The following WDR41 variants were observed in gnomAD, a reference collection of about 807,000 sequenced individuals.
The protein encoded by WDR41 is WD repeat-containing protein 41.
Under a neutral mutation model 69.3 loss-of-function variants are expected in WDR41, and 63 were observed. The ratio of observed to expected loss-of-function variants is 0.91; its 90% CI spans 0.74 to 1.12. The LOEUF (loss-of-function observed/expected upper bound fraction) is 1.12, where lower values mean the gene tolerates loss of function less well. Ranked by LOEUF, WDR41 falls within the 50% of genes most tolerant of loss-of-function variation. The pLI, the probability that WDR41 is intolerant of heterozygous loss-of-function variation, is 0.00. For missense variants in WDR41, 543 were observed against 534.5 expected, an observed-to-expected ratio of 1.02 and a Z score of -0.16; for synonymous variants, 185 against 192.1, an observed-to-expected ratio of 0.96 and a Z score of 0.31.
At chr5:77,481,495 GC>G (rs1394386185) in intron 2 of WDR41, among the ~76,000 whole-genome samples, 1 of 152,048 alleles carries the variant, frequency 6.6e-6, no homozygotes, top group Non-Finnish European at 1.5e-5. Flanking sequence ...ACATATTAAA[GC>G]CACATCCTGG....
At chr5:77,518,615 A>T (rs1168636935) in intron 1 of WDR41, among the ~76,000 whole-genome samples, 1 of 152,116 alleles carries the variant, frequency 6.6e-6, no homozygotes, top group South Asian at 2.1e-4. Flanking sequence ...GCTTACTCCA[A>T]TGATAAATGT....
chr5:77,483,481 CGTGTGTGTGTGTGTGTGTGT>C (rs35574463), intron 2 of WDR41, among the ~76,000 whole-genome samples: 25 of 143,460 alleles, frequency 1.7e-4, no homozygotes, highest in African/African-American at 4.9e-4. Context: ...CCTGAATACT[CGTGTGTGTGTGTGTGTGTGT>C]GTGTGTGTGT....
chr5:77,466,501 A>G (rs1800313513), intron 2 of WDR41, among the ~76,000 whole-genome samples: 1 of 151,886 alleles, frequency 6.6e-6, no homozygotes, highest in Admixed American at 6.6e-5. Flanking sequence ...CATTTAGAAG[A>G]CAGCAAGTTT....
At chr5:77,575,839 A>C (rs1052987225) in intron 1 of WDR41, among the ~76,000 whole-genome samples, 4 of 152,172 alleles carry the variant, frequency 2.6e-5, no homozygotes, top group African/African-American at 9.7e-5. Context: ...AGCAAGATTT[A>C]TTTTCTGCAC....
chr5:77,499,581 C>T (rs1218715433), intron 1 of WDR41: 1 of 152,218 alleles, frequency 6.6e-6, no homozygotes, highest in East Asian at 1.9e-4. Context: ...AAACCCAGAC[C>T]TGTTTTTTCC....
chr5:77,489,428 T>C (rs1382318481), intron 2 of WDR41, 29 bp downstream of exon 2: 3 of 1,377,066 alleles, frequency 2.2e-6, no homozygotes, highest in Non-Finnish European at 2.0e-6. Context: ...TCCCAAACAA[T>C]AGTCAATTAG....
chr5:77,523,389 G>T (rs1581785045), intron 1 of WDR41, among the ~76,000 whole-genome samples: 2 of 151,876 alleles, frequency 1.3e-5, no homozygotes, highest in African/African-American at 4.8e-5. Flanking sequence ...CAAGTGCTTG[G>T]TAAATTCTAC....
intron 1 of WDR41, among the ~76,000 whole-genome samples, chr5:77,586,596 C>T (rs1386164111): frequency 1.3e-5 from 2 of 151,760 alleles, no homozygotes; most frequent in Non-Finnish European, 2.9e-5. Context: ...CATGAGCTAC[C>T]ACACCTGGCC....
intron 1 of WDR41, among the ~76,000 whole-genome samples, chr5:77,520,676 A>G (rs189088247): frequency 6.6e-6 from 1 of 152,250 alleles, no homozygotes; most frequent in East Asian, 1.9e-4. Context: ...TTCCTTTCAG[A>G]TCTGAACCCC....
chr5:77,578,112 C>T (rs1335255424), intron 1 of WDR41, among the ~76,000 whole-genome samples: 2 of 152,112 alleles, frequency 1.3e-5, no homozygotes, highest in African/African-American at 4.8e-5. Context: ...ATGCAAAGTA[C>T]AGTTTCTACT....
chr5:77,586,589 G>T (rs1744042936), intron 1 of WDR41, among the ~76,000 whole-genome samples: 1 of 151,718 alleles, frequency 6.6e-6, no homozygotes, highest in Non-Finnish European at 1.5e-5. Flanking sequence ...TTACAGGCAT[G>T]AGCTACCACA....
intron 1 of WDR41, among the ~76,000 whole-genome samples, chr5:77,532,518 A>T (rs1466841133): frequency 6.6e-6 from 1 of 152,136 alleles, no homozygotes; most frequent in Non-Finnish European, 1.5e-5. Context: ...TAACAACTCT[A>T]CTTATAATAT....
chr5:77,440,369 G>C (rs1301674893), intron 9 of WDR41, among the ~76,000 whole-genome samples: 1 of 152,100 alleles, frequency 6.6e-6, no homozygotes. Flanking sequence ...TCACTCCCAA[G>C]TCCTATAAGA....
At chr5:77,445,051 G>A (rs1289065281) in intron 8 of WDR41, among the ~76,000 whole-genome samples, 3 of 151,920 alleles carry the variant, frequency 2.0e-5, no homozygotes, top group African/African-American at 2.4e-5. Flanking sequence ...TTATAAAGAC[G>A]AAAAGAGAGA....
chr5:77,470,152 C>G (rs759900434), intron 2 of WDR41, among the ~76,000 whole-genome samples: 2,376 of 151,864 alleles, frequency 0.016, 28 homozygotes, highest in Middle Eastern at 0.041. Flanking sequence ...GAATTTTCAA[C>G]CCAGAATTTC....
intron 5 of WDR41, among the ~76,000 whole-genome samples, chr5:77,454,630 C>T (rs1799756599): frequency 6.6e-6 from 1 of 152,108 alleles, no homozygotes; most frequent in African/African-American, 2.4e-5. Context: ...CATATAAGCC[C>T]TTTACCTTTA....
chr5:77,583,376 C>A (rs930631300), intron 1 of WDR41, among the ~76,000 whole-genome samples: 5 of 151,012 alleles, frequency 3.3e-5, no homozygotes, highest in Non-Finnish European at 5.9e-5. Flanking sequence ...TAGCCAGGTA[C>A]AGTGGCCCAT....
intron 2 of WDR41, among the ~76,000 whole-genome samples, chr5:77,477,381 GCACCA>G (rs1470840603): frequency 7.6e-6 from 1 of 132,288 alleles, no homozygotes; most frequent in Non-Finnish European, 1.5e-5. Flanking sequence ...ATTGTTTTCA[GCACCA>G]CACCACACCT....
upstream of WDR41, among the ~76,000 whole-genome samples, chr5:77,496,620 T>G (rs1418609272): frequency 6.6e-6 from 1 of 151,948 alleles, no homozygotes; most frequent in African/African-American, 2.4e-5. Flanking sequence ...AAAGAGTACC[T>G]AAATAAATAA....
Sources: gnomAD v4.1 joint callset for allele counts (sites outside exome capture counted in the v4.1 genomes callset) on GRCh38, gnomAD v4.1.1 for gene constraint, MANE v1.5 for transcripts, NCBI Gene and HGNC (gene_info 2026-07-23, HGNC 2026-07-21) for gene names.